TTC9: variants seen among roughly 807,000 people sequenced by gnomAD.
The protein encoded by TTC9 is tetratricopeptide repeat domain 9.
A neutral mutation model predicts 22.9 loss-of-function variants in TTC9; 13 were observed. That is an observed-to-expected ratio of 0.57 (90% CI 0.37 to 0.90). The LOEUF is 0.90. TTC9 is among the 40% of genes least tolerant of loss of function. The pLI is 0.01. For synonymous variants in TTC9, 148 were observed against 133.2 expected (o/e 1.11, Z -0.77); for missense variants, 280 against 291.8 (o/e 0.96, Z 0.29).
chr14:70,643,943 T>G (rs900722028), intron 1 of TTC9, among the ~76,000 whole-genome samples: 5 of 152,178 alleles, frequency 3.3e-5, no homozygotes, highest in African/African-American at 9.7e-5. Context: ...CAGATAAAAT[T>G]GTAGTACAGC....
Position 70,675,298 on chromosome 14 carries a change from A to C in TTC9, c.*4143A>C, listed in dbSNP as rs1314562020. 6.6e-6 allele frequency: 1 copy of C among 152,220 alleles called. No individual in the cohort carries two copies. The highest frequency in any genetic ancestry group is 1.5e-5 in the Non-Finnish European group (1 of 68,042). 9.4% of individuals were successfully genotyped at this position (152,220 alleles called of 1,614,324 possible). A position where few individuals can be genotyped will look rare whatever the true frequency, so the allele number is the denominator to read the frequency against. Reference sequence around the variant, plus strand: ...AAGAAATGCTGCAAATATGCTTTCCAAGTGCTTTGCTTTCAAATTTTGTTT... The same window carrying C: ...AAGAAATGCTGCAAATATGCTTTCCCAGTGCTTTGCTTTCAAATTTTGTTT... On this transcript the variant is annotated 3_prime_UTR_variant, in exon 3 of 3. Coordinates refer to ENST00000256367, the MANE Select transcript of TTC9 (RefSeq NM_015351.2).
chr14:70,664,582 T>C (rs898207612), intron 1 of TTC9, among the ~76,000 whole-genome samples: 1 of 151,950 alleles, frequency 6.6e-6, no homozygotes, highest in South Asian at 2.1e-4. Context: ...AAAAATTAGC[T>C]AGGCATGGTG....
At chr14:70,661,358 C>T (rs867100490) in intron 1 of TTC9, among the ~76,000 whole-genome samples, 5 of 152,196 alleles carry the variant, frequency 3.3e-5, no homozygotes, top group African/African-American at 7.2e-5. Flanking sequence ...AGGACTGTAA[C>T]GTATCCTGTA....
At chr14:70,667,807 T>C in intron 2 of TTC9, 61 bp downstream of exon 2, 1 of 1,500,602 alleles carries the variant, frequency 6.7e-7, no homozygotes, top group Non-Finnish European at 8.9e-7. Flanking sequence ...TGGGACCTTC[T>C]CATTTCAGCA....
At chr14:70,658,933 T>C (rs1287788503) in intron 1 of TTC9, among the ~76,000 whole-genome samples, 6 of 152,346 alleles carry the variant, frequency 3.9e-5, no homozygotes, top group East Asian at 1.9e-4. Context: ...AAGGAAATTA[T>C]GCTGAGTGTA....
intron 1 of TTC9, among the ~76,000 whole-genome samples, chr14:70,657,905 G>A (rs550935694): frequency 6.6e-6 from 1 of 152,204 alleles, no homozygotes; most frequent in African/African-American, 2.4e-5. Context: ...GGCAGAGGTT[G>A]CAGTGAGCTG....
At position 70,642,094 on chromosome 14, in the gene TTC9, A is replaced by G; in HGVS notation, c.-36A>G. 1.9e-6 allele frequency: 2 copies of G among 1,060,400 alleles called. No homozygotes were observed. Among genetic ancestry groups the G allele is most frequent in the African/African-American group, 1.7e-5 (1 of 57,692 alleles). 65.7% of individuals were successfully genotyped at this position (1,060,400 alleles called of 1,614,324 possible). A position where few individuals can be genotyped will look rare whatever the true frequency, so the allele number is the denominator to read the frequency against. On this transcript the variant is annotated 5_prime_UTR_variant, in exon 1 of 3. Coordinates refer to ENST00000256367, the MANE Select transcript of TTC9 (RefSeq NM_015351.2). ...CGGCGGCGGCGGCGGCGGCGGGCAG[A>G]TCGCGGCGCGCACCAGGCGCCGGGG...
At chr14:70,669,756 C>G (rs752248145) in intron 2 of TTC9, among the ~76,000 whole-genome samples, 2 of 152,190 alleles carry the variant, frequency 1.3e-5, no homozygotes, top group Admixed American at 6.5e-5. Context: ...TGAAGACTAA[C>G]CATTGGACTC....
chr14:70,655,325 C>T (rs1335799925), intron 1 of TTC9, among the ~76,000 whole-genome samples: 1 of 151,466 alleles, frequency 6.6e-6, no homozygotes, highest in Non-Finnish European at 1.5e-5. Flanking sequence ...ACCTGGGAGG[C>T]GGAGGTTGCA....
At chr14:70,642,586 C>T in intron 1 of TTC9, 51 bp downstream of exon 1, 2 of 1,460,112 alleles carry the variant, frequency 1.4e-6, no homozygotes, top group Middle Eastern at 1.8e-4. Flanking sequence ...TCGGCCCGGT[C>T]CCTCCGCGGA....
At chr14:70,654,229 C>A (rs1457001976) in intron 1 of TTC9, among the ~76,000 whole-genome samples, 1 of 152,096 alleles carries the variant, frequency 6.6e-6, no homozygotes, top group Non-Finnish European at 1.5e-5. Context: ...CCTCTCCTCC[C>A]AAGTTCCTCT....
intron 1 of TTC9, among the ~76,000 whole-genome samples, chr14:70,642,743 A>G (rs1456387159): frequency 3.3e-5 from 5 of 152,246 alleles, no homozygotes; most frequent in African/African-American, 9.6e-5. Context: ...CTTCGCTAGC[A>G]TACATCGTAA....
intron 1 of TTC9, among the ~76,000 whole-genome samples, chr14:70,661,518 T>C (rs1343307767): frequency 2.6e-5 from 4 of 152,242 alleles, no homozygotes; most frequent in Non-Finnish European, 5.9e-5. Flanking sequence ...TATAGTGAGT[T>C]AGCTATAAGA....
At chr14:70,650,796 G>T (rs908171163) in intron 1 of TTC9, among the ~76,000 whole-genome samples, 1 of 151,506 alleles carries the variant, frequency 6.6e-6, no homozygotes. Flanking sequence ...ACTTGAAAAG[G>T]CAGAGTGTAG....
At chr14:70,645,200 G>A (rs571036337) in intron 1 of TTC9, among the ~76,000 whole-genome samples, 14 of 152,318 alleles carry the variant, frequency 9.2e-5, no homozygotes, top group Non-Finnish European at 1.6e-4. Context: ...TATAAAATCA[G>A]TGATGACTAT....
chr14:70,663,212 T>C (rs770405214), intron 1 of TTC9, among the ~76,000 whole-genome samples: 94 of 152,204 alleles, frequency 6.2e-4, no homozygotes, highest in Non-Finnish European at 1.2e-3. Flanking sequence ...CAACCTGGCA[T>C]GCATGGCTTC....
At chr14:70,660,783 A>C (rs1048628639) in intron 1 of TTC9, among the ~76,000 whole-genome samples, 33 of 152,238 alleles carry the variant, frequency 2.2e-4, no homozygotes, top group African/African-American at 7.7e-4. Context: ...CAATATTCTT[A>C]ATATCAGCTC....
chr14:70,668,067 C>T (rs964735580), intron 2 of TTC9, among the ~76,000 whole-genome samples: 3 of 152,146 alleles, frequency 2.0e-5, no homozygotes, highest in African/African-American at 7.2e-5. Context: ...AAGATTTGTG[C>T]TAAGCACCAA....
At chr14:70,651,560 T>C (rs1403781123) in intron 1 of TTC9, among the ~76,000 whole-genome samples, 1 of 152,140 alleles carries the variant, frequency 6.6e-6, no homozygotes, top group African/African-American at 2.4e-5. Flanking sequence ...ATAAAAAGAC[T>C]TGTCTCCCTT....
Sources: allele counts gnomAD v4.1 joint callset (sites outside exome capture counted in the v4.1 genomes callset), GRCh38; gene constraint gnomAD v4.1.1; transcripts MANE v1.5; gene names NCBI Gene and HGNC (gene_info 2026-07-23, HGNC 2026-07-21).